Variants in CHSY1 observed in about 807,000 individuals in gnomAD.
CHSY1 encodes chondroitin sulfate synthase 1, also known as N-acetylgalactosaminyl-proteoglycan 3-beta-glucuronosyltransferase 1.
Under a neutral mutation model 59.8 loss-of-function variants are expected in CHSY1, and 13 were observed. The ratio of observed to expected loss-of-function variants is 0.22; its 90% CI spans 0.14 to 0.35. The LOEUF is 0.35. CHSY1 is among the 10% of genes least tolerant of loss of function. CHSY1 has a pLI of 1.00. For missense variants in CHSY1, 947 were observed against 1,030.6 expected, an observed-to-expected ratio of 0.92 and a Z score of 1.11; for synonymous variants, 459 against 401.2, an observed-to-expected ratio of 1.14 and a Z score of -1.72.
At position 101,178,086 on chromosome 15, in the gene CHSY1, G is replaced by A; in HGVS notation, c.1711C>T (p.Leu571Phe). 1 of 1,614,154 alleles carries A rather than the reference G, an allele frequency of 6.2e-7. No homozygotes were observed. The change falls in exon 3 of 3, where the codon CTT becomes TTT. Residue 571 changes from leucine (L) to phenylalanine (F), a missense_variant. Physicochemically the swap from Leu to Phe is conservative, Grantham distance 22. Coordinates refer to ENST00000254190, the MANE Select transcript of CHSY1 (RefSeq NM_014918.5). ...PNQNVKLVVLLFNSDSNPDKA... is the reference protein window; with the variant it reads ...PNQNVKLVVLFFNSDSNPDKA... ...TCAGGGTTGGAGTCAGAATTGAAAA[G>A]CAGAACCACGAGCTTGACGTTCTGA...
intron 2 of CHSY1, among the ~76,000 whole-genome samples, chr15:101,185,972 G>A (rs1224749453): frequency 1.3e-5 from 2 of 151,580 alleles, no homozygotes; most frequent in Non-Finnish European, 2.9e-5. Flanking sequence ...CATTAAGTAG[G>A]AAACACGCAG....
intron 2 of CHSY1, among the ~76,000 whole-genome samples, chr15:101,224,136 C>T (rs931173650): frequency 2.6e-5 from 4 of 152,222 alleles, no homozygotes; most frequent in African/African-American, 9.7e-5. Flanking sequence ...GCTGTACCAT[C>T]TAGGCTTGTG....
chr15:101,192,662 C>G (rs2038459123), intron 2 of CHSY1, among the ~76,000 whole-genome samples: 1 of 147,414 alleles, frequency 6.8e-6, no homozygotes, highest in African/African-American at 2.5e-5. Flanking sequence ...CTAAACGCCT[C>G]CCTCGTGGCT....
In CHSY1 at chr15:101,195,742, G is replaced by A. The variant is rs552275934; in HGVS notation, c.817-16762C>T. Among the ~76,000 whole-genome samples, 40 of 150,834 alleles carry A rather than the reference G, an allele frequency of 2.7e-4. 1 individual carries two copies. The highest frequency in any genetic ancestry group is 3.7e-4 in the Non-Finnish European group (25 of 67,778). On this transcript the variant is annotated intron_variant, in intron 2 of 2. Coordinates refer to ENST00000254190, the MANE Select transcript of CHSY1 (RefSeq NM_014918.5). The stretch of plus-strand genomic sequence containing the variant: ...CAGGAGGCTGAGGCGAGAGAATGGT[G>A]TGAACCTGGGAGGCGGAGCTTGCAG...
intron 2 of CHSY1, chr15:101,188,146 A>T: frequency 3.0e-6 from 3 of 985,460 alleles, no homozygotes; most frequent in Non-Finnish European, 3.6e-6. Flanking sequence ...ACTGCTACAG[A>T]GCGACAACTT....
Position 101,178,325 on chromosome 15 carries a change from T to C in CHSY1, c.1472A>G (p.Gln491Arg), listed in dbSNP as rs767455015. The change falls in exon 3 of 3, where the codon CAA becomes CGA. Residue 491 changes from glutamine (Q) to arginine (R), a missense_variant. This residue lies in a region of CHSY1 where 602 missense variants were observed against 676.9 expected (regional missense o/e 0.89). Transcript: ENST00000254190. ...QFVEHEELDA[Q>R]ELAKRINQES... ...CTGATTGATTCTCTTGGCCAACTCT[T>C]GTGCATCCAGCTCCTCATGCTCCAC... The C allele has an allele frequency of 9.3e-6, 15 of 1,608,240 alleles. No individual in the cohort carries two copies. The African/African-American group carries it at 1.6e-4, about 17-fold the overall frequency.
chr15:101,213,507 G>A (rs904343264), intron 2 of CHSY1, among the ~76,000 whole-genome samples: 1 of 152,124 alleles, frequency 6.6e-6, no homozygotes, highest in African/African-American at 2.4e-5. Context: ...TATACTAAAA[G>A]TAAACAGACT....
chr15:101,213,008 G>C (rs1174814941), intron 2 of CHSY1, among the ~76,000 whole-genome samples: 2 of 152,044 alleles, frequency 1.3e-5, no homozygotes, highest in African/African-American at 4.8e-5. Context: ...AAATAGGAAG[G>C]TGAAATTAAT....
chr15:101,210,903 T>C (rs1375214179), intron 2 of CHSY1, among the ~76,000 whole-genome samples: 2 of 152,186 alleles, frequency 1.3e-5, no homozygotes, highest in African/African-American at 4.8e-5. Context: ...ATATGGGCTT[T>C]GAAATAATGT....
chr15:101,224,234 G>C (rs1427223585), intron 2 of CHSY1, among the ~76,000 whole-genome samples: 1 of 152,186 alleles, frequency 6.6e-6, no homozygotes, highest in Non-Finnish European at 1.5e-5. Context: ...ACACATTACT[G>C]CATCTGGTTA....
intron 1 of CHSY1, among the ~76,000 whole-genome samples, chr15:101,250,795 G>A (rs1287632769): frequency 6.6e-6 from 1 of 152,204 alleles, no homozygotes. Context: ...ACTGTGCTAT[G>A]AGTTTTCCAA....
At chr15:101,217,945 G>T (rs1202800638) in intron 2 of CHSY1, among the ~76,000 whole-genome samples, 1 of 152,208 alleles carries the variant, frequency 6.6e-6, no homozygotes, top group Non-Finnish European at 1.5e-5. Flanking sequence ...ACTCCCTTCA[G>T]TCAAGTGATC....
intron 1 of CHSY1, among the ~76,000 whole-genome samples, chr15:101,242,381 C>T (rs1028835796): frequency 3.2e-4 from 48 of 152,322 alleles, no homozygotes; most frequent in African/African-American, 9.6e-4. Flanking sequence ...CCTGCCATCA[C>T]GTGACCTACG....
rs917569496 is a variant in CHSY1 at position 101,178,552 on chromosome 15, C to A, written c.1245G>T (p.Met415Ile). Residue 415 changes from methionine (M) to isoleucine (I), a missense_variant, in exon 3 of 3, where the codon ATG becomes ATT. This residue lies in a region of CHSY1 where 602 missense variants were observed against 676.9 expected (regional missense o/e 0.89). Transcript: ENST00000254190. The part of the protein sequence containing the change: ...LDDIVMQVME[M>I]INANAKTRGR... ...CTCTGGTCTTGGCGTTGGCATTGATCATCTCCATGACCTGCATGACAATGT... is the reference window on the plus strand; with the variant it reads ...CTCTGGTCTTGGCGTTGGCATTGATAATCTCCATGACCTGCATGACAATGT... 3.7e-6 allele frequency: 6 copies of A among 1,614,104 alleles called. No individual in the cohort carries two copies. The African/African-American group carries it at 6.7e-5, about 18-fold the overall frequency.
chr15:101,226,147 C>G (rs891177665), intron 2 of CHSY1, among the ~76,000 whole-genome samples: 4 of 152,222 alleles, frequency 2.6e-5, no homozygotes, highest in African/African-American at 9.7e-5. Flanking sequence ...GATTCCAAGA[C>G]TACAATGTTA....
intron 2 of CHSY1, among the ~76,000 whole-genome samples, chr15:101,182,414 G>A (rs764272418): frequency 2.1e-4 from 32 of 152,320 alleles, no homozygotes; most frequent in Admixed American, 1.0e-3. Flanking sequence ...ACAGGAGGCA[G>A]CTATGAAGTC....
intron 2 of CHSY1, among the ~76,000 whole-genome samples, chr15:101,187,348 G>A (rs549402196): frequency 2.0e-5 from 3 of 152,208 alleles, no homozygotes; most frequent in East Asian, 1.9e-4. Context: ...GCATGGTGGC[G>A]TGTGCCTGTA....
intron 1 of CHSY1, among the ~76,000 whole-genome samples, chr15:101,244,484 G>A (rs1413090815): frequency 2.0e-5 from 3 of 152,196 alleles, no homozygotes; most frequent in Non-Finnish European, 4.4e-5. Context: ...TGCTCAAAAT[G>A]GAATGCAGTT....
intron 1 of CHSY1, among the ~76,000 whole-genome samples, chr15:101,250,728 C>T (rs754701759): frequency 6.6e-6 from 1 of 152,206 alleles, no homozygotes; most frequent in Non-Finnish European, 1.5e-5. Flanking sequence ...TTTGCAAGGA[C>T]AAAGGTGCAC....
Sources: allele counts gnomAD v4.1 joint callset (sites outside exome capture counted in the v4.1 genomes callset), GRCh38; gene constraint gnomAD v4.1.1; regional missense constraint gnomAD v4.1.1; transcripts MANE v1.5; gene names NCBI Gene and HGNC (gene_info 2026-07-23, HGNC 2026-07-21).